RIT2: variants seen among roughly 807,000 people sequenced by gnomAD.
RIT2 encodes GTP-binding protein Rit2.
A neutral mutation model predicts 23.7 loss-of-function variants in RIT2; 24 were observed. That is an observed-to-expected ratio of 1.01 (90% CI 0.73 to 1.43). RIT2 has a LOEUF of 1.43. Among genes scored for constraint, RIT2 ranks in the 40% most tolerant of loss-of-function variants. RIT2 has a pLI of 0.00. For synonymous variants in RIT2, 107 were observed against 91.1 expected (o/e 1.17, Z -0.99); for missense variants, 236 against 266.9 (o/e 0.88, Z 0.81).
At chr18:42,860,953 G>T (rs917054903) in intron 4 of RIT2, among the ~76,000 whole-genome samples, 5 of 152,182 alleles carry the variant, frequency 3.3e-5, no homozygotes, top group African/African-American at 9.7e-5. Flanking sequence ...ATGCATGCAT[G>T]TGTATGGGTG....
chr18:42,836,738 A>G (rs983662096), intron 4 of RIT2, among the ~76,000 whole-genome samples: 27 of 152,314 alleles, frequency 1.8e-4, no homozygotes, highest in African/African-American at 6.3e-4. Flanking sequence ...AGATTACCAA[A>G]ATATTCAGAA....
intron 2 of RIT2, among the ~76,000 whole-genome samples, chr18:43,019,168 C>T (rs1185240741): frequency 6.6e-6 from 1 of 151,576 alleles, no homozygotes; most frequent in South Asian, 2.1e-4. Flanking sequence ...CTAGTAAATA[C>T]ACATACAGAC....
intron 3 of RIT2, among the ~76,000 whole-genome samples, chr18:42,965,745 T>TTTTTTTTTTTTTA: frequency 7.9e-6 from 1 of 126,118 alleles, no homozygotes; most frequent in Non-Finnish European, 1.6e-5. Context: ...TTTTTTTTTT[T>TTTTTTTTTTTTTA]CAGAATTCTT....
chr18:43,115,633 A>G lies in RIT2; in HGVS notation c.-114T>C, dbSNP rs1177510226. On this transcript the variant is annotated 5_prime_UTR_variant, in exon 1 of 5. Coordinates refer to ENST00000326695, the MANE Select transcript of RIT2 (RefSeq NM_002930.4). Reference sequence around the variant, plus strand: ...CAAAGCAAAGGTTTTAGTACGAGGTAAGAACCATCAGCGTCGGGCTGGCTG... The same window carrying G: ...CAAAGCAAAGGTTTTAGTACGAGGTGAGAACCATCAGCGTCGGGCTGGCTG... 2.8e-6 allele frequency: 4 copies of G among 1,417,172 alleles called. No individual in the cohort carries two copies. The highest frequency in any genetic ancestry group is 1.5e-5 in the South Asian group (1 of 66,990). The allele number at this position is 1,417,172 out of a possible 1,614,324, so 87.8% of individuals were successfully genotyped here.
rs184458130 is a variant in RIT2, at chr18:42,966,018, A to G, written c.234+8056T>C. On this transcript the variant is annotated intron_variant, in intron 3 of 4. Coordinates refer to ENST00000326695, the MANE Select transcript of RIT2 (RefSeq NM_002930.4). ...TCATTTAGAAGCCACGTGACCTTGG[A>G]TAAGCCACTTAACCTCTTCTGAGCC... Among the ~76,000 whole-genome samples the G allele has an allele frequency of 2.5e-4, 38 of 152,226 alleles. No individual in the cohort carries two copies. In the East Asian group the frequency reaches 6.8e-3, roughly 27 times the overall value.
intron 2 of RIT2, among the ~76,000 whole-genome samples, chr18:43,004,562 C>T (rs1486605987): frequency 9.2e-5 from 14 of 151,812 alleles, no homozygotes. Flanking sequence ...CTCCAGTGTG[C>T]CCGACACTTT....
intron 3 of RIT2, among the ~76,000 whole-genome samples, chr18:42,942,330 C>T (rs1237500338): frequency 6.6e-6 from 1 of 152,076 alleles, no homozygotes; most frequent in Non-Finnish European, 1.5e-5. Context: ...TGTACCTTCA[C>T]CCTCTGGACA....
At chr18:42,945,853 A>G (rs1489301053) in intron 3 of RIT2, among the ~76,000 whole-genome samples, 1 of 152,142 alleles carries the variant, frequency 6.6e-6, no homozygotes, top group African/African-American at 2.4e-5. Context: ...AATACTCAAA[A>G]CAGTATTTGA....
At chr18:42,985,449 T>A (rs567658853) in intron 2 of RIT2, among the ~76,000 whole-genome samples, 10 of 152,266 alleles carry the variant, frequency 6.6e-5, no homozygotes, top group African/African-American at 2.4e-4. Context: ...AGCCAAGACT[T>A]TGTTTAGAAA....
intron 4 of RIT2, among the ~76,000 whole-genome samples, chr18:42,761,525 T>C (rs1373033689): frequency 1.3e-5 from 2 of 152,164 alleles, no homozygotes; most frequent in Non-Finnish European, 2.9e-5. Context: ...ACCTGACCCC[T>C]ATTTCCAAAT....
chr18:43,090,638 TG>T (rs1340271126), intron 1 of RIT2, among the ~76,000 whole-genome samples: 1 of 152,088 alleles, frequency 6.6e-6, no homozygotes, highest in Non-Finnish European at 1.5e-5. Context: ...AACGGTAGAC[TG>T]GATAAAGAGA....
At chr18:42,853,455 C>T (rs1907108094) in intron 4 of RIT2, among the ~76,000 whole-genome samples, 1 of 152,132 alleles carries the variant, frequency 6.6e-6, no homozygotes, top group Non-Finnish European at 1.5e-5. Context: ...ATATTCCTTG[C>T]AGAATTTCTA....
chr18:42,905,443 A>C (rs1308971616), intron 4 of RIT2, among the ~76,000 whole-genome samples: 1 of 152,168 alleles, frequency 6.6e-6, no homozygotes, highest in African/African-American at 2.4e-5. Context: ...CTAAGTATAC[A>C]TGCTTTTTAA....
intron 4 of RIT2, among the ~76,000 whole-genome samples, chr18:42,795,331 C>T (rs377116812): frequency 1.1e-4 from 16 of 152,206 alleles, no homozygotes; most frequent in East Asian, 5.8e-4. Flanking sequence ...TTGGAACAGA[C>T]GGCCGACCCT....
At chr18:42,886,663 T>C (rs185469262) in intron 4 of RIT2, among the ~76,000 whole-genome samples, 5 of 152,338 alleles carry the variant, frequency 3.3e-5, no homozygotes, top group Admixed American at 1.3e-4. Flanking sequence ...GATTATTTTG[T>C]AGCACATAAT....
intron 1 of RIT2, among the ~76,000 whole-genome samples, chr18:43,034,951 C>T (rs1911941329): frequency 6.6e-6 from 1 of 152,176 alleles, no homozygotes; most frequent in Non-Finnish European, 1.5e-5. Context: ...TCTGCATGTC[C>T]TTTCTGTGTT....
intron 4 of RIT2, among the ~76,000 whole-genome samples, chr18:42,922,248 C>T (rs1909073206): frequency 6.6e-6 from 1 of 152,076 alleles, no homozygotes; most frequent in East Asian, 1.9e-4. Flanking sequence ...TTTAAGAAAA[C>T]TTAAAGCATA....
intron 4 of RIT2, among the ~76,000 whole-genome samples, chr18:42,787,555 G>C (rs1237816285): frequency 6.6e-6 from 1 of 152,072 alleles, no homozygotes; most frequent in Non-Finnish European, 1.5e-5. Context: ...AGCAGGTTCG[G>C]AGAAACATGA....
chr18:42,819,972 A>G (rs1256693924), intron 4 of RIT2, among the ~76,000 whole-genome samples: 1 of 152,148 alleles, frequency 6.6e-6, no homozygotes, highest in Non-Finnish European at 1.5e-5. Context: ...TACACATATA[A>G]TTTGCATACT....
Sources: allele counts gnomAD v4.1 joint callset (sites outside exome capture counted in the v4.1 genomes callset), GRCh38; gene constraint gnomAD v4.1.1; transcripts MANE v1.5; gene names NCBI Gene and HGNC (gene_info 2026-07-23, HGNC 2026-07-21).